Variants in GPM6B observed in about 807,000 individuals in gnomAD.
GPM6B encodes neuronal membrane glycoprotein M6-b.
Under a neutral mutation model 27.2 loss-of-function variants are expected in GPM6B, and 4 were observed. The ratio of observed to expected loss-of-function variants is 0.15; its 90% CI spans 0.07 to 0.34. The LOEUF is 0.34. GPM6B is among the 10% of genes least tolerant of loss of function. The pLI is 1.00. For synonymous variants in GPM6B, 124 were observed against 103.1 expected, an observed-to-expected ratio of 1.20 and a Z score of -1.23; for missense variants, 183 against 261.9, an observed-to-expected ratio of 0.70 and a Z score of 2.08.
intron 1 of GPM6B, among the ~76,000 whole-genome samples, chrX:13,915,373 C>G (rs1384274882): frequency 1.2e-4 from 13 of 110,950 alleles, no homozygotes; most frequent in Admixed American, 1.1e-3. Context: ...CCTGTACTGG[C>G]TGATGAAAAC....
intron 3 of GPM6B, chrX:13,783,984 C>A: frequency 3.8e-6 from 1 of 262,244 alleles, no homozygotes; most frequent in Non-Finnish European, 7.3e-6. Flanking sequence ...TGATAAAACC[C>A]CTAAGTAGGC....
intron 2 of GPM6B, among the ~76,000 whole-genome samples, chrX:13,794,762 C>T (rs10856519): frequency 0.28 from 30,503 of 110,217 alleles, 3,261 homozygotes; most frequent in Admixed American, 0.45. Context: ...AATCTCAACC[C>T]CCGAGTATGT....
chrX:13,937,775 C>A (rs982135528), intron 1 of GPM6B, among the ~76,000 whole-genome samples: 9 of 111,328 alleles, frequency 8.1e-5, no homozygotes, highest in African/African-American at 2.9e-4. Context: ...CAGCCTCGGG[C>A]CAGGTTGGAG....
chrX:13,906,270 C>T, intron 1 of GPM6B, among the ~76,000 whole-genome samples: 1 of 112,139 alleles, frequency 8.9e-6, no homozygotes, highest in East Asian at 2.8e-4. Flanking sequence ...AGGGAGCATG[C>T]TGAAATACAA....
In GPM6B at chrX:13,824,624, C is replaced by G. The variant is rs73633578; in HGVS notation, c.-197-38816G>C. 4.7e-3 allele frequency among the ~76,000 whole-genome samples: 526 copies of G among 111,663 alleles called. 3 individuals carry two copies. Among genetic ancestry groups the G allele is most frequent in the African/African-American group, 0.016 (494 of 30,733 alleles). The stretch of plus-strand genomic sequence containing the variant: ...AGAGGGCAGAGTCAGGGCGACCATA[C>G]TTGATTAGGGAAGAGGTGGGGACTG... On this transcript the variant is annotated intron_variant, in intron 1 of 6. Transcript: ENST00000398361.
chrX:13,825,571 G>T (rs890379684), intron 1 of GPM6B, among the ~76,000 whole-genome samples: 2 of 112,703 alleles, frequency 1.8e-5, no homozygotes, highest in Admixed American at 9.3e-5. Flanking sequence ...CAGAAGGCGA[G>T]GACTTGGCAA....
At chrX:13,884,057 A>G (rs1278423483) in intron 1 of GPM6B, among the ~76,000 whole-genome samples, 5 of 110,694 alleles carry the variant, frequency 4.5e-5, no homozygotes, top group African/African-American at 1.3e-4. Flanking sequence ...CACGCCTGTA[A>G]TCCCAGCTAC....
chrX:13,797,133 C>G (rs1177168919), intron 2 of GPM6B, among the ~76,000 whole-genome samples: 1 of 112,495 alleles, frequency 8.9e-6, no homozygotes, highest in African/African-American at 3.2e-5. Context: ...AGTGTCTCTA[C>G]TTTCCTGGAT....
At chrX:13,896,130 G>A (rs1040202087) in intron 1 of GPM6B, among the ~76,000 whole-genome samples, 19 of 98,862 alleles carry the variant, frequency 1.9e-4, no homozygotes, top group Non-Finnish European at 3.5e-4. Flanking sequence ...ACTCCATCCT[G>A]GGTGAGTGTA....
chrX:13,822,511 G>C (rs749927142), intron 1 of GPM6B, among the ~76,000 whole-genome samples: 1 of 109,994 alleles, frequency 9.1e-6, no homozygotes, highest in Non-Finnish European at 1.9e-5. Flanking sequence ...GACTACAGGC[G>C]TGGGGCCACC....
rs200178205 is a variant in GPM6B, at chrX:13,830,623, TTGTG to T, written c.-197-44819_-197-44816del. On this transcript the variant is annotated intron_variant, in intron 1 of 6. Coordinates refer to the GPM6B transcript ENST00000398361. ...GTATGTACTAGCTACAAAATACAAA[TTGTG>T]TGTCAGTGATCCCACATACATGGCA... 3.4e-3 allele frequency among the ~76,000 whole-genome samples: 384 copies of T among 112,335 alleles called. 4 individuals are homozygous for T. In the South Asian group the frequency reaches 0.036, roughly 11 times the overall value.
chrX:13,892,608 T>G (rs1382303307), intron 1 of GPM6B, among the ~76,000 whole-genome samples: 3 of 111,930 alleles, frequency 2.7e-5, no homozygotes, highest in Non-Finnish European at 5.6e-5. Context: ...TCACCCAGGC[T>G]GGATTCAAAC....
chrX:13,851,066 G>A (rs1220906719), intron 1 of GPM6B, among the ~76,000 whole-genome samples: 1 of 106,847 alleles, frequency 9.4e-6, no homozygotes, highest in Non-Finnish European at 1.9e-5. Flanking sequence ...GGGAGGCTGA[G>A]GCAGGAGAAT....
intron 6 of GPM6B, 143 bp from the exon 7 acceptor site, chrX:13,776,446 G>C: frequency 2.2e-6 from 1 of 452,694 alleles, no homozygotes; most frequent in Non-Finnish European, 3.7e-6. Flanking sequence ...TCATGCTCTG[G>C]CCTCATGGTG....
Position 13,776,277 on chromosome X carries a change from A to G in GPM6B, c.798T>C (p.Ile266=). The G allele has an allele frequency of 8.3e-7, 1 of 1,209,735 alleles. No homozygotes were observed. Among genetic ancestry groups the G allele is most frequent in the Non-Finnish European group, 1.1e-6 (1 of 893,724 alleles). ...TGGCACCAGCTCCTGCACAGGCCAC[A>G]ATGAACAGGTGATAGGACATGTAGA... ...NEFYMSYHLF[I]VACAGAGATV... The change falls in exon 7 of 8, where the codon ATT becomes ATC. Residue 266 remains isoleucine, a synonymous_variant. Transcript: ENST00000316715.
At chrX:13,885,336 A>G (rs2050124394) in intron 1 of GPM6B, among the ~76,000 whole-genome samples, 1 of 112,514 alleles carries the variant, frequency 8.9e-6, no homozygotes. Flanking sequence ...ACCTTAGAAA[A>G]AGGAATTCTT....
chrX:13,802,973 C>A (rs917190628), intron 2 of GPM6B, among the ~76,000 whole-genome samples: 1 of 111,840 alleles, frequency 8.9e-6, no homozygotes, highest in Non-Finnish European at 1.9e-5. Flanking sequence ...GAATGGTACA[C>A]GCAGAAGGAT....
At chrX:13,810,358 T>C in intron 1 of GPM6B, among the ~76,000 whole-genome samples, 1 of 111,828 alleles carries the variant, frequency 8.9e-6, no homozygotes, top group South Asian at 3.7e-4. Context: ...AGTAGTTCTA[T>C]CACTTTTGAT....
At chrX:13,926,397 G>C (rs748639882) in intron 1 of GPM6B, among the ~76,000 whole-genome samples, 1 of 105,272 alleles carries the variant, frequency 9.5e-6, no homozygotes, top group East Asian at 2.9e-4. Context: ...GACACAGAGC[G>C]AGACTCCATC....
Sources: gnomAD v4.1 joint callset for allele counts (sites outside exome capture counted in the v4.1 genomes callset) on GRCh38, gnomAD v4.1.1 for gene constraint, MANE v1.5 for transcripts, NCBI Gene and HGNC (gene_info 2026-07-23, HGNC 2026-07-21) for gene names.